MUC7: variants seen among roughly 807,000 people sequenced by gnomAD.
MUC7 encodes mucin-7.
Under a neutral mutation model 2.5 loss-of-function variants are expected in MUC7, and 2 were observed. The ratio of observed to expected loss-of-function variants is 0.81; its 90% CI spans 0.33 to 2.55. The LOEUF is 2.55. MUC7 is among the 30% of genes most tolerant of loss of function. The pLI, the probability that MUC7 is intolerant of heterozygous loss-of-function variation, is 0.11. For synonymous variants in MUC7, 133 were observed against 173.4 expected, an observed-to-expected ratio of 0.77 and a Z score of 1.83; for missense variants, 408 against 455.6, an observed-to-expected ratio of 0.90 and a Z score of 0.95.
chr4:70,470,065 T>C (rs1021595551), upstream of MUC7, among the ~76,000 whole-genome samples: 1 of 152,144 alleles, frequency 6.6e-6, no homozygotes, highest in African/African-American at 2.4e-5. Context: ...CACCATGGAA[T>C]ACTATGCAGC....
At chr4:70,442,755 A>G (rs182392826) in intron 1 of MUC7, among the ~76,000 whole-genome samples, 1 of 152,216 alleles carries the variant, frequency 6.6e-6, no homozygotes, top group African/African-American at 2.4e-5. Flanking sequence ...GCCATCTTAT[A>G]TGTGCTTAAT....
intron 1 of MUC7, among the ~76,000 whole-genome samples, chr4:70,461,619 A>T (rs1734558313): frequency 6.6e-6 from 1 of 152,224 alleles, no homozygotes; most frequent in African/African-American, 2.4e-5. Context: ...TGCTATCTTT[A>T]AAGTAGACCT....
intron 1 of MUC7, among the ~76,000 whole-genome samples, chr4:70,458,649 A>T (rs547816340): frequency 1.2e-4 from 19 of 152,166 alleles, no homozygotes; most frequent in Admixed American, 2.6e-4. Context: ...AAAAAGAGAA[A>T]CAAAACAGCT....
chr4:70,460,199 G>A (rs914862034), intron 1 of MUC7, among the ~76,000 whole-genome samples: 3 of 152,050 alleles, frequency 2.0e-5, no homozygotes, highest in African/African-American at 7.2e-5. Context: ...GAAAAAAAAG[G>A]AAAAGAGAAG....
chr4:70,434,801 G>T (rs1399652075), intron 1 of MUC7, among the ~76,000 whole-genome samples: 1 of 151,886 alleles, frequency 6.6e-6, no homozygotes, highest in Non-Finnish European at 1.5e-5. Context: ...GTGATGTGAG[G>T]GTGTCGATTT....
chr4:70,452,239 G>T (rs1395662445), intron 1 of MUC7, among the ~76,000 whole-genome samples: 1 of 151,330 alleles, frequency 6.6e-6, no homozygotes, highest in Non-Finnish European at 1.5e-5. Flanking sequence ...GGAGAGTTTA[G>T]TCCATTTACA....
chr4:70,436,630 A>G (rs1733843397), intron 1 of MUC7, among the ~76,000 whole-genome samples: 1 of 152,094 alleles, frequency 6.6e-6, no homozygotes, highest in Admixed American at 6.5e-5. Context: ...CTTCCTTGCA[A>G]TGGGTTAGAA....
At chr4:70,451,404 AC>A (rs2109715454) in intron 1 of MUC7, among the ~76,000 whole-genome samples, 1 of 152,310 alleles carries the variant, frequency 6.6e-6, no homozygotes, top group African/African-American at 2.4e-5. Flanking sequence ...TAAACAAGGT[AC>A]TATGAGTGCT....
rs1418017496 is a variant in MUC7 at position 70,481,079 on chromosome 4, C to T, written c.335C>T (p.Pro112Leu). 1 of 1,613,994 alleles carries T rather than the reference C, an allele frequency of 6.2e-7. No homozygotes were observed. The highest frequency in any genetic ancestry group is 8.5e-7 in the Non-Finnish European group (1 of 1,180,028). The change falls in exon 3 of 3, where the codon CCA becomes CTA. Residue 112 changes from proline (P) to leucine (L), a missense_variant. Pro to Leu is a moderately conservative substitution (Grantham distance 98). Transcript: ENST00000304887. ...ACCTTAGTGGCTACAACCCAAATTC[C>T]ATCTGTGACTTTCCCATCAGCTTCC... ...NPTLVATTQI[P>L]SVTFPSASTK...
At chr4:70,451,422 A>G (rs1357923181) in intron 1 of MUC7, among the ~76,000 whole-genome samples, 1 of 151,940 alleles carries the variant, frequency 6.6e-6, no homozygotes, top group Non-Finnish European at 1.5e-5. Context: ...TGCTTGCCTG[A>G]TTTTCGGTTC....
intron 1 of MUC7, among the ~76,000 whole-genome samples, chr4:70,433,485 T>C (rs1301662696): frequency 6.6e-6 from 1 of 152,206 alleles, no homozygotes; most frequent in Non-Finnish European, 1.5e-5. Flanking sequence ...TTATTTTCTT[T>C]GTAGTAATTG....
chr4:70,472,154 C>G (rs1390320835), upstream of MUC7: 1 of 152,152 alleles, frequency 6.6e-6, no homozygotes, highest in African/African-American at 2.4e-5. Flanking sequence ...TTCCAAAAAG[C>G]TCGACTGGAG....
chr4:70,442,684 A>G (rs1734038660), intron 1 of MUC7, among the ~76,000 whole-genome samples: 1 of 152,180 alleles, frequency 6.6e-6, no homozygotes. Flanking sequence ...CAAAATAAGG[A>G]TCTCTAAACT....
rs1279592272 is a variant in MUC7, at chr4:70,480,928, T to C, written c.184T>C (p.Ser62Pro). The C allele has an allele frequency of 1.2e-6, 2 of 1,613,946 alleles. No homozygotes were observed. The highest frequency in any genetic ancestry group is 1.7e-6 in the Non-Finnish European group (2 of 1,180,014). The change falls in exon 3 of 3, where the codon TCC becomes CCC. Residue 62 changes from serine (S) to proline (P), a missense_variant. By Grantham distance (74) the Ser-to-Pro change is moderately conservative (BLOSUM62 -1). Coordinates refer to ENST00000304887, the MANE Select transcript of MUC7 (RefSeq NM_152291.3). ...TCACCAGAAGCCGTTCATTAGAAAG[T>C]CCTATAAATGTCTGCACAAACGCTG... is the stretch of plus-strand genomic sequence containing the variant. ...LAHQKPFIRK[S>P]YKCLHKRCRP...
At chr4:70,430,533 G>A (rs1430333590) in exon 1 of MUC7, 1 of 152,054 alleles carries the variant, frequency 6.6e-6, no homozygotes, top group Non-Finnish European at 1.5e-5. Context: ...AATCTAGTAG[G>A]AAGGCTATAA....
chr4:70,475,283 GA>G (rs540876129), intron 2 of MUC7, among the ~76,000 whole-genome samples: 2,041 of 149,824 alleles, frequency 0.014, 46 homozygotes, highest in African/African-American at 0.048. Context: ...TGTCTCAAAA[GA>G]AAAAAAAAGA....
At chr4:70,447,958 A>C (rs1029800109) in intron 1 of MUC7, among the ~76,000 whole-genome samples, 1 of 152,106 alleles carries the variant, frequency 6.6e-6, no homozygotes, top group African/African-American at 2.4e-5. Context: ...CCCAGCCTCT[A>C]ATAACAATGC....
rs566514998 is a variant in MUC7, at chr4:70,435,110, G to T, written c.-93+4423G>T. On this transcript the variant is annotated intron_variant, in intron 1 of 3. Coordinates refer to the MUC7 transcript ENST00000413702. ...TTTCTGTTCTTTTATATTTGCTGAG[G>T]CATGTTTTATTTCCAATTATGTGGT... 9.9e-5 allele frequency among the ~76,000 whole-genome samples: 15 copies of T among 152,224 alleles called. 1 individual carries two copies. The South Asian group carries it at 3.1e-3, about 32-fold the overall frequency.
chr4:70,441,212 A>G (rs1202292044), intron 1 of MUC7, among the ~76,000 whole-genome samples: 1 of 152,156 alleles, frequency 6.6e-6, no homozygotes, highest in East Asian at 1.9e-4. Flanking sequence ...AATATTACAT[A>G]TGTTGTCTAT....
Sources: gnomAD v4.1 joint callset for allele counts (sites outside exome capture counted in the v4.1 genomes callset) on GRCh38, gnomAD v4.1.1 for gene constraint, MANE v1.5 for transcripts, NCBI Gene and HGNC (gene_info 2026-07-23, HGNC 2026-07-21) for gene names.